TMEM131L: variants seen among roughly 807,000 people sequenced by gnomAD.
TMEM131L encodes the protein transmembrane protein 131-like.
Under a neutral mutation model 192.2 loss-of-function variants are expected in TMEM131L, and 54 were observed. The observed-to-expected ratio is 0.28, with a 90% CI of 0.23 to 0.35. The LOEUF is 0.35. Among genes scored for constraint, TMEM131L ranks in the 10% least tolerant of loss-of-function variants. TMEM131L has a pLI of 1.00. For missense variants in TMEM131L, 1,888 were observed against 1,972.9 expected (o/e 0.96, Z 0.82); for synonymous variants, 701 against 704.9 (o/e 0.99, Z 0.09).
intron 26 of TMEM131L, among the ~76,000 whole-genome samples, chr4:153,613,321 C>G (rs1732762796): frequency 6.6e-6 from 1 of 152,138 alleles, no homozygotes; most frequent in Non-Finnish European, 1.5e-5. Context: ...AACCACAGAA[C>G]AGATTGGAAA....
chr4:153,530,153 C>T (rs1009983125), intron 3 of TMEM131L, among the ~76,000 whole-genome samples: 1 of 151,582 alleles, frequency 6.6e-6, no homozygotes, highest in Non-Finnish European at 1.5e-5. Flanking sequence ...ATATAAGGTC[C>T]GGGAAATACT....
intron 7 of TMEM131L, among the ~76,000 whole-genome samples, chr4:153,567,928 C>T (rs1175716773): frequency 1.3e-5 from 2 of 152,236 alleles, no homozygotes; most frequent in South Asian, 2.1e-4. Flanking sequence ...TGCTATCTAC[C>T]TAAGGCAAGC....
In TMEM131L at chr4:153,589,007, A is replaced by G; in HGVS notation, c.1670A>G (p.Lys557Arg). The G allele has an allele frequency of 2.1e-6, 3 of 1,452,556 alleles. No individual in the cohort carries two copies. In the South Asian group the frequency reaches 3.4e-5, roughly 17 times the overall value. 90.0% of individuals were successfully genotyped at this position (1,452,556 alleles called of 1,614,324 possible). A position where few individuals can be genotyped will look rare whatever the true frequency, so the allele number is the denominator to read the frequency against. ...WKKYKNGDVCKRNVLGTTRFA... is the reference protein window; with the variant it reads ...WKKYKNGDVCRRNVLGTTRFA... The stretch of plus-strand genomic sequence containing the variant: ...AAATATAAAAATGGTGACGTCTGCA[A>G]GTACGTCTCCACTGTCTTCTTTTTT... Residue 557 changes from lysine (K) to arginine (R), a missense_variant and splice_region_variant, in exon 16 of 35, where the codon AAG becomes AGG. Transcript: ENST00000409959.
intron 12 of TMEM131L, 134 bp downstream of exon 12, chr4:153,585,065 G>A (rs1441282968): frequency 1.4e-6 from 1 of 695,546 alleles, no homozygotes; most frequent in Non-Finnish European, 2.5e-6. Flanking sequence ...CCTTGCCTTA[G>A]CATTGCTAAC....
intron 3 of TMEM131L, among the ~76,000 whole-genome samples, chr4:153,525,859 A>AT (rs1186415467): frequency 1.4e-4 from 21 of 149,964 alleles, no homozygotes; most frequent in African/African-American, 5.0e-4. Context: ...TTTATTTTTT[A>AT]TTTTTATTTT....
chr4:153,538,283 C>G (rs1174975508), intron 3 of TMEM131L, among the ~76,000 whole-genome samples: 1 of 152,158 alleles, frequency 6.6e-6, no homozygotes, highest in East Asian at 1.9e-4. Flanking sequence ...ACCCTCCCAC[C>G]TTTGGTTCCC....
At chr4:153,599,973 G>A (rs1327228932) in intron 21 of TMEM131L, among the ~76,000 whole-genome samples, 1 of 152,194 alleles carries the variant, frequency 6.6e-6, no homozygotes, top group East Asian at 1.9e-4. Context: ...AGGAGGCGGA[G>A]GTTGCAGTGA....
chr4:153,632,466 T>C (rs1734277453), intron 31 of TMEM131L: 2 of 462,330 alleles, frequency 4.3e-6, no homozygotes, highest in Admixed American at 7.5e-5. Flanking sequence ...AGAAAGTAGT[T>C]CCTCAAATAT....
At chr4:153,499,130 G>T (rs962719843) in intron 3 of TMEM131L, among the ~76,000 whole-genome samples, 8 of 152,212 alleles carry the variant, frequency 5.3e-5, no homozygotes, top group Non-Finnish European at 1.0e-4. Context: ...CCTTTCTTCT[G>T]TTAGTGTTTA....
chr4:153,498,321 G>A (rs910619051), intron 3 of TMEM131L, among the ~76,000 whole-genome samples: 4 of 152,162 alleles, frequency 2.6e-5, no homozygotes, highest in Non-Finnish European at 5.9e-5. Flanking sequence ...GCCCACTTAC[G>A]GACAGAGAGG....
chr4:153,559,399 T>C (rs1728702278), intron 7 of TMEM131L, among the ~76,000 whole-genome samples: 1 of 152,218 alleles, frequency 6.6e-6, no homozygotes, highest in Admixed American at 6.5e-5. Context: ...TTGAAAGGTT[T>C]TAAGCAGGAG....
chr4:153,524,717 G>A (rs1735354014), intron 3 of TMEM131L, among the ~76,000 whole-genome samples: 1 of 152,206 alleles, frequency 6.6e-6, no homozygotes, highest in Admixed American at 6.5e-5. Flanking sequence ...GTGGCCTGGA[G>A]GAGGAGAAAT....
intron 3 of TMEM131L, among the ~76,000 whole-genome samples, chr4:153,510,721 A>G (rs1390074749): frequency 1.3e-5 from 2 of 152,130 alleles, no homozygotes; most frequent in Non-Finnish European, 2.9e-5. Flanking sequence ...TTACAAACAA[A>G]ACAAAACAAA....
intron 3 of TMEM131L, among the ~76,000 whole-genome samples, chr4:153,545,312 G>C (rs1190677500): frequency 8.7e-6 from 1 of 115,066 alleles, no homozygotes; most frequent in Non-Finnish European, 1.6e-5. Flanking sequence ...TTTTGAGATG[G>C]AGTCTCGCTC....
intron 29 of TMEM131L, among the ~76,000 whole-genome samples, chr4:153,624,688 T>C (rs1432096828): frequency 6.6e-6 from 1 of 152,204 alleles, no homozygotes; most frequent in East Asian, 1.9e-4. Context: ...TTTGACACCA[T>C]GCAGTCAGTA....
At chr4:153,545,592 T>C (rs1351878152) in intron 3 of TMEM131L, among the ~76,000 whole-genome samples, 1 of 152,078 alleles carries the variant, frequency 6.6e-6, no homozygotes, top group African/African-American at 2.4e-5. Flanking sequence ...AGGCCCAAAC[T>C]GTTTCTTTGT....
At chr4:153,497,062 A>G (rs556238381) in intron 3 of TMEM131L, among the ~76,000 whole-genome samples, 1 of 152,144 alleles carries the variant, frequency 6.6e-6, no homozygotes, top group Admixed American at 6.5e-5. Flanking sequence ...GGGTTTTGCC[A>G]TGTTGCCCAG....
At chr4:153,535,029 G>A (rs1736208161) in intron 3 of TMEM131L, among the ~76,000 whole-genome samples, 1 of 152,188 alleles carries the variant, frequency 6.6e-6, no homozygotes, top group African/African-American at 2.4e-5. Context: ...TAGGTTTAAA[G>A]AGGCCATGCT....
intron 3 of TMEM131L, among the ~76,000 whole-genome samples, chr4:153,533,646 G>A: frequency 6.6e-6 from 1 of 152,274 alleles, no homozygotes; most frequent in South Asian, 2.1e-4. Flanking sequence ...CAAGCCAAGG[G>A]TTACCAACTT....
Sources: gnomAD v4.1 joint callset for allele counts (sites outside exome capture counted in the v4.1 genomes callset) on GRCh38, gnomAD v4.1.1 for gene constraint, MANE v1.5 for transcripts, NCBI Gene and HGNC (gene_info 2026-07-23, HGNC 2026-07-21) for gene names.